LRRIQ1: variants seen among roughly 807,000 people sequenced by gnomAD.
LRRIQ1 encodes leucine-rich repeat- and IQ domain-containing protein 1.
A neutral mutation model predicts 211.9 loss-of-function variants in LRRIQ1; 210 were observed. That is an observed-to-expected ratio of 0.99 (90% CI 0.89 to 1.11). LRRIQ1 has a LOEUF of 1.11. Ranked by LOEUF, LRRIQ1 falls within the 50% of genes most tolerant of loss-of-function variation. The pLI is 0.00. For missense variants in LRRIQ1, 2,136 were observed against 1,939.5 expected, an observed-to-expected ratio of 1.10 and a Z score of -1.90; for synonymous variants, 699 against 650.1, an observed-to-expected ratio of 1.08 and a Z score of -1.14.
rs555305993 is a variant in LRRIQ1 at position 85,172,016 on chromosome 12, AAGTTTATATCT to A, written c.4822+11305_4822+11315del. 3.0e-3 allele frequency among the ~76,000 whole-genome samples: 454 copies of A among 152,300 alleles called. 2 individuals are homozygous for A. Among genetic ancestry groups the A allele is most frequent in the African/African-American group, 0.011 (437 of 41,560 alleles). On this transcript the variant is annotated intron_variant, in intron 24 of 26. Coordinates refer to ENST00000393217, the MANE Select transcript of LRRIQ1 (RefSeq NM_001079910.2). ...TAAAATAAAATATCTTCCACCATGA[AAGTTTATATCT>A]AGCAAAACTTCTTACATCAAAAAGA...
At chr12:85,139,584 C>T (rs1690836) in intron 19 of LRRIQ1, among the ~76,000 whole-genome samples, 85,573 of 151,100 alleles carry the variant, frequency 0.57, 25,343 homozygotes, top group African/African-American at 0.75. Context: ...ATTTTATAAA[C>T]TTTTCAATTT....
chr12:85,063,260 A>G (rs913989673), intron 8 of LRRIQ1, among the ~76,000 whole-genome samples: 2 of 151,336 alleles, frequency 1.3e-5, no homozygotes, highest in South Asian at 2.1e-4. Flanking sequence ...GGACTTAGCC[A>G]TACATTATTT....
At chr12:85,177,282 AAC>A (rs1891754439) in intron 24 of LRRIQ1, among the ~76,000 whole-genome samples, 1 of 152,126 alleles carries the variant, frequency 6.6e-6, no homozygotes, top group African/African-American at 2.4e-5. Flanking sequence ...CAATGACATA[AAC>A]ACAAACCACC....
chr12:85,229,837 G>A (rs1346285183), intron 25 of LRRIQ1, among the ~76,000 whole-genome samples, 188 bp downstream of exon 25: 1 of 152,104 alleles, frequency 6.6e-6, no homozygotes, highest in Non-Finnish European at 1.5e-5. Context: ...ACCCTGAAAT[G>A]TTTGGGAACA....
At chr12:85,251,564 G>T (rs1438814921) in intron 1 of LRRIQ1, among the ~76,000 whole-genome samples, 4 of 151,770 alleles carry the variant, frequency 2.6e-5, no homozygotes, top group African/African-American at 9.7e-5. Context: ...TAAATCATTT[G>T]CAACTCTTAT....
chr12:85,262,894 A>G, intron 1 of LRRIQ1: 1 of 956,430 alleles, frequency 1.0e-6, no homozygotes, highest in Non-Finnish European at 1.2e-6. Context: ...GTGAAAGTGT[A>G]TATTTAATAT....
intron 10 of LRRIQ1, among the ~76,000 whole-genome samples, chr12:85,069,900 T>G (rs944542999): frequency 2.6e-5 from 4 of 152,176 alleles, no homozygotes; most frequent in Non-Finnish European, 4.4e-5. Context: ...GCCTGTTCAC[T>G]CTGATGGTAG....
At chr12:85,203,759 G>A (rs911947532) in intron 24 of LRRIQ1, among the ~76,000 whole-genome samples, 7 of 152,230 alleles carry the variant, frequency 4.6e-5, no homozygotes, top group East Asian at 1.9e-4. Context: ...ACATTCAAGC[G>A]GTGACTCGGG....
chr12:85,271,861 T>C, the LRRIQ1 span, among the ~76,000 whole-genome samples: 11 of 152,298 alleles, frequency 7.2e-5, no homozygotes, highest in East Asian at 1.9e-3. Flanking sequence ...CCAATTGTTG[T>C]GGTATTCTAA....
At chr12:85,077,983 GT>G (rs755063222) in intron 11 of LRRIQ1, among the ~76,000 whole-genome samples, 3 of 87,960 alleles carry the variant, frequency 3.4e-5, no homozygotes, top group Non-Finnish European at 6.2e-5. Flanking sequence ...ACGAGACCCT[GT>G]CTCAAAAAAA....
intron 11 of LRRIQ1, among the ~76,000 whole-genome samples, chr12:85,073,770 A>T (rs1309930949): frequency 6.6e-6 from 1 of 152,078 alleles, no homozygotes; most frequent in Non-Finnish European, 1.5e-5. Flanking sequence ...AATAGTATAC[A>T]TGAGAAAGTA....
At chr12:85,091,382 G>C (rs533863588) in intron 11 of LRRIQ1, among the ~76,000 whole-genome samples, 1 of 151,946 alleles carries the variant, frequency 6.6e-6, no homozygotes, top group South Asian at 2.1e-4. Flanking sequence ...ATTCCTTATA[G>C]ATTCTGTATT....
chr12:85,241,092 G>A (rs1355992734), intron 26 of LRRIQ1, among the ~76,000 whole-genome samples: 1 of 152,042 alleles, frequency 6.6e-6, no homozygotes, highest in African/African-American at 2.4e-5. Flanking sequence ...TTTAGTAATA[G>A]TATTGATACA....
intron 1 of LRRIQ1, among the ~76,000 whole-genome samples, chr12:85,261,870 A>G (rs1896305601): frequency 6.6e-6 from 1 of 151,148 alleles, no homozygotes; most frequent in African/African-American, 2.4e-5. Context: ...GCTCACCGCA[A>G]CCCTCCGCCT....
At chr12:85,084,523 A>T (rs1333059492) in intron 11 of LRRIQ1, among the ~76,000 whole-genome samples, 1 of 152,154 alleles carries the variant, frequency 6.6e-6, no homozygotes, top group Non-Finnish European at 1.5e-5. Flanking sequence ...TGTTTTCCGC[A>T]TAGATTTTAT....
Position 85,056,777 on chromosome 12 carries a change from G to A in LRRIQ1, c.1984G>A (p.Asp662Asn). 6.2e-7 allele frequency: 1 copy of A among 1,609,082 alleles called. No individual in the cohort carries two copies. Among genetic ancestry groups the A allele is most frequent in the Non-Finnish European group, 8.5e-7 (1 of 1,178,546 alleles). Residue 662 changes from aspartate (D) to asparagine (N), a missense_variant, in exon 8 of 27, where the codon GAT becomes AAT. Coordinates refer to ENST00000393217, the MANE Select transcript of LRRIQ1 (RefSeq NM_001079910.2). ...NSGIVIFNTT[D>N]TMINIEGKRN... ...TGGCATTGTGATTTTTAACACAACT[G>A]ATACCATGATAAATATAGAAGGCAA...
At chr12:85,120,688 A>G (rs1200678705) in intron 15 of LRRIQ1, among the ~76,000 whole-genome samples, 3 of 152,112 alleles carry the variant, frequency 2.0e-5, no homozygotes, top group African/African-American at 7.2e-5. Flanking sequence ...CTCTTGATTT[A>G]TTTAGTTCAT....
At position 85,124,320 on chromosome 12, in the gene LRRIQ1, T is replaced by C. The variant is rs1159831185; in HGVS notation, c.3808T>C (p.Ser1270Pro). 6.2e-7 allele frequency: 1 copy of C among 1,614,084 alleles called. No individual in the cohort carries two copies. The highest frequency in any genetic ancestry group is 1.6e-4 in the Middle Eastern group (1 of 6,062). Residue 1270 changes from serine to proline, a missense_variant, in exon 17 of 27, where the codon TCT (serine) becomes CCT (proline). Transcript: ENST00000393217. The stretch of plus-strand genomic sequence containing the variant: ...AGATATTCCTGAGAAATGGATGGAC[T>C]CTGTCTCCAGCCACTCCCCATTAAG... Reference protein sequence around the residue: ...SPDIPEKWMDSVSSHSPLSKS... With the variant: ...SPDIPEKWMDPVSSHSPLSKS...
intron 15 of LRRIQ1, among the ~76,000 whole-genome samples, chr12:85,114,719 A>G (rs986299139): frequency 6.6e-5 from 10 of 152,170 alleles, no homozygotes; most frequent in African/African-American, 2.4e-4. Context: ...CTATATTTAA[A>G]TGAACTTTTC....
Sources: gnomAD v4.1 joint callset for allele counts (sites outside exome capture counted in the v4.1 genomes callset) on GRCh38, gnomAD v4.1.1 for gene constraint, MANE v1.5 for transcripts, NCBI Gene and HGNC (gene_info 2026-07-23, HGNC 2026-07-21) for gene names.